The following NCAM1 variants were observed in gnomAD, a reference collection of about 807,000 sequenced individuals.
NCAM1 encodes antigen recognized by monoclonal antibody 5.1H11.
In NCAM1, 14 loss-of-function variants were observed where a neutral mutation model predicts 109.8. The ratio of observed to expected loss-of-function variants is 0.13; its 90% CI spans 0.08 to 0.20. NCAM1 has a LOEUF of 0.20. NCAM1 is among the 10% of genes least tolerant of loss of function. NCAM1 has a pLI of 1.00. For missense variants in NCAM1, 774 were observed against 1,109.9 expected (o/e 0.70, Z 4.30); for synonymous variants, 418 against 442.9 (o/e 0.94, Z 0.70).
In NCAM1 at chr11:113,273,401, G is replaced by A. The variant is rs995505955; in HGVS notation, c.2456+1525G>A. The A allele has an allele frequency of 1.2e-4, 39 of 324,440 alleles. No homozygotes were observed. Among genetic ancestry groups the A allele is most frequent in the African/African-American group, 5.7e-4 (26 of 45,870 alleles). 20.1% of individuals were successfully genotyped at this position (324,440 alleles called of 1,614,324 possible). ...GGGCAGCCAGTCCTCTAGCAGCAGC[G>A]GCTGCCCCTGCCACAGAAGCCCCTC... On this transcript the variant is annotated intron_variant, in intron 19 of 19. Coordinates refer to ENST00000316851, the MANE Select transcript of NCAM1 (RefSeq NM_181351.5). This position sits in a 1 kb window ranked among gnomAD's most constrained non-coding sequence, Gnocchi z 6.0.
chr11:113,056,324 T>A, intron 1 of NCAM1, among the ~76,000 whole-genome samples: 1 of 152,116 alleles, frequency 6.6e-6, no homozygotes, highest in South Asian at 2.1e-4. Flanking sequence ...TGAATTCTTG[T>A]ATTCGATAAT....
intron 1 of NCAM1, among the ~76,000 whole-genome samples, chr11:113,165,483 G>A (rs1942759047): frequency 6.6e-6 from 1 of 152,120 alleles, no homozygotes; most frequent in Non-Finnish European, 1.5e-5. Context: ...CCACTTCTCA[G>A]ACTAAGTCAG....
chr11:113,253,462 A>G (rs1945750284), intron 15 of NCAM1, among the ~76,000 whole-genome samples: 1 of 152,184 alleles, frequency 6.6e-6, no homozygotes, highest in Middle Eastern at 3.2e-3. Flanking sequence ...TTCACATGAC[A>G]ACAGAGCTGG....
intron 1 of NCAM1, among the ~76,000 whole-genome samples, chr11:113,017,635 T>TTGTGTGTG (rs71698389): frequency 2.2e-4 from 32 of 145,170 alleles, no homozygotes; most frequent in Non-Finnish European, 2.4e-4. Flanking sequence ...CAGTACTGTT[T>TTGTGTGTG]TGTGTGTGTG....
chr11:113,154,729 A>T (rs1344818332), intron 1 of NCAM1, among the ~76,000 whole-genome samples: 2 of 152,168 alleles, frequency 1.3e-5, no homozygotes, highest in African/African-American at 4.8e-5. Context: ...TACTTTCTTG[A>T]TAAAGGAAGA....
At chr11:113,160,407 C>G (rs1799869343) in intron 1 of NCAM1, among the ~76,000 whole-genome samples, 1 of 152,150 alleles carries the variant, frequency 6.6e-6, no homozygotes, top group East Asian at 1.9e-4. Context: ...CCGAGGGCCC[C>G]TTTTATGTTG....
At chr11:113,034,524 T>G (rs1310964034) in intron 1 of NCAM1, among the ~76,000 whole-genome samples, 2 of 152,214 alleles carry the variant, frequency 1.3e-5, no homozygotes, top group African/African-American at 4.8e-5. Flanking sequence ...GAATTGCTTA[T>G]GAGGTCTTGT....
At chr11:113,195,162 T>C (rs1336121848) in intron 1 of NCAM1, among the ~76,000 whole-genome samples, 1 of 152,190 alleles carries the variant, frequency 6.6e-6, no homozygotes, top group Non-Finnish European at 1.5e-5. Flanking sequence ...AGCTTTTGGA[T>C]TAATATTTGA....
intron 1 of NCAM1, among the ~76,000 whole-genome samples, chr11:113,165,844 G>A (rs1013587284): frequency 2.6e-4 from 39 of 148,698 alleles, no homozygotes; most frequent in African/African-American, 3.5e-4. Context: ...ATGGAGTCTC[G>A]CTCTGTCACC....
chr11:113,256,964 C>A (rs994518442), intron 16 of NCAM1, among the ~76,000 whole-genome samples: 3 of 152,238 alleles, frequency 2.0e-5, no homozygotes, highest in Non-Finnish European at 2.9e-5. Flanking sequence ...TTGTGATCAG[C>A]TCCTGTGGAA....
Position 113,237,935 on chromosome 11 carries a change from TAG to T in NCAM1, c.1825+2773_1825+2774del, listed in dbSNP as rs1386752461. Among the ~76,000 whole-genome samples, 14 of 104,406 alleles carry T rather than the reference TAG, an allele frequency of 1.3e-4. 1 individual carries two copies. In the East Asian group the frequency reaches 1.4e-3, roughly 10 times the overall value. 68.5% of individuals were successfully genotyped at this position (104,406 alleles called of 152,430 possible). ...ATATAGATATATAGATATAGATATA[TAG>T]ATATATATATAGATATATAGATAGA... On this transcript the variant is annotated intron_variant, in intron 14 of 19. Coordinates refer to ENST00000316851, the MANE Select transcript of NCAM1 (RefSeq NM_181351.5).
intron 14 of NCAM1, among the ~76,000 whole-genome samples, chr11:113,245,573 A>G (rs1203932821): frequency 2.0e-5 from 3 of 152,194 alleles, no homozygotes; most frequent in Non-Finnish European, 4.4e-5. Context: ...AAGGAAACCC[A>G]TTCCCTAGTC....
intron 14 of NCAM1, among the ~76,000 whole-genome samples, chr11:113,242,349 G>T (rs1045754286): frequency 6.6e-6 from 1 of 152,184 alleles, no homozygotes; most frequent in Admixed American, 6.6e-5. Context: ...GCCCAGCATG[G>T]TGGCTCAGGC....
At chr11:113,027,269 G>A (rs1952574925) in intron 1 of NCAM1, among the ~76,000 whole-genome samples, 1 of 152,242 alleles carries the variant, frequency 6.6e-6, no homozygotes, top group Non-Finnish European at 1.5e-5. Flanking sequence ...GGATCCTAAA[G>A]AGTATATAAA....
At chr11:113,201,856 G>T (rs908773684) in intron 1 of NCAM1, among the ~76,000 whole-genome samples, 1 of 152,208 alleles carries the variant, frequency 6.6e-6, no homozygotes, top group Non-Finnish European at 1.5e-5. Flanking sequence ...TTCAAAATCA[G>T]TGTGAGCCCT....
intron 8 of NCAM1, among the ~76,000 whole-genome samples, chr11:113,219,372 G>A (rs908303635): frequency 4.6e-5 from 7 of 152,154 alleles, no homozygotes; most frequent in Non-Finnish European, 1.0e-4. Context: ...TCCAGCGTGT[G>A]GGCACATGAA....
chr11:113,017,407 A>C (rs17114682), intron 1 of NCAM1, among the ~76,000 whole-genome samples: 18,511 of 152,212 alleles, frequency 0.12, 1,224 homozygotes, highest in East Asian at 0.32. Flanking sequence ...CCTTCTCTTC[A>C]ACCTTTAAAT....
At chr11:113,068,041 G>A (rs1938058265) in intron 1 of NCAM1, among the ~76,000 whole-genome samples, 1 of 151,582 alleles carries the variant, frequency 6.6e-6, no homozygotes, top group African/African-American at 2.4e-5. Flanking sequence ...CTCCCGAGTA[G>A]CTGGGACTAC....
At position 113,275,352 on chromosome 11, in the gene NCAM1, G is replaced by A. The variant is rs373049586; in HGVS notation, c.2542G>A (p.Ala848Thr). 56 of 1,613,164 alleles carry A rather than the reference G, an allele frequency of 3.5e-5. No homozygotes were observed. Among genetic ancestry groups the A allele is most frequent in the African/African-American group, 5.3e-5 (4 of 74,838 alleles). The change falls in exon 20 of 20, where the codon GCC (alanine) becomes ACC (threonine). Residue 848 changes from alanine (A) to threonine (T), a missense_variant. Ala to Thr is a moderately conservative substitution (Grantham distance 58). Coordinates refer to ENST00000316851, the MANE Select transcript of NCAM1 (RefSeq NM_181351.5). ...CGAAGTCAAGACGGTCCCCAATGAC[G>A]CCACACAGACAAAGGAGAACGAGAG... Reference protein sequence around the residue: ...PAEVKTVPNDATQTKENESKA With the variant: ...PAEVKTVPNDTTQTKENESKA
Sources: allele counts gnomAD v4.1 joint callset (sites outside exome capture counted in the v4.1 genomes callset), GRCh38; gene constraint gnomAD v4.1.1; non-coding constraint Gnocchi (gnomAD v3.1); transcripts MANE v1.5; gene names NCBI Gene and HGNC (gene_info 2026-07-23, HGNC 2026-07-21).